NCKAP5: variants seen among roughly 807,000 people sequenced by gnomAD.
The protein encoded by NCKAP5 is nck-associated protein 5.
Under a neutral mutation model 167.0 loss-of-function variants are expected in NCKAP5, and 92 were observed. That is an observed-to-expected ratio of 0.55 (90% CI 0.47 to 0.66). The LOEUF is 0.66. NCKAP5 is among the 30% of genes least tolerant of loss of function. NCKAP5 has a pLI of 0.00. For synonymous variants in NCKAP5, 891 were observed against 877.4 expected, an observed-to-expected ratio of 1.02 and a Z score of -0.27; for missense variants, 2,378 against 2,315.0, an observed-to-expected ratio of 1.03 and a Z score of -0.56.
chr2:133,569,660 T>C (rs1303777566), upstream of NCKAP5, among the ~76,000 whole-genome samples: 1 of 152,138 alleles, frequency 6.6e-6, no homozygotes, highest in Non-Finnish European at 1.5e-5. Context: ...GATTAAGCTC[T>C]CTCCCTGGCC....
the NCKAP5 span, among the ~76,000 whole-genome samples, chr2:133,609,770 A>G: frequency 1.3e-5 from 2 of 152,212 alleles, no homozygotes; most frequent in Admixed American, 6.5e-5. Flanking sequence ...AGGAAGCTGT[A>G]GAGATATAAT....
chr2:133,212,449 C>A (rs1370518887), intron 5 of NCKAP5, among the ~76,000 whole-genome samples: 1 of 152,146 alleles, frequency 6.6e-6, no homozygotes, highest in Non-Finnish European at 1.5e-5. Flanking sequence ...CTCGCTGCAA[C>A]CTCCGCCTCC....
chr2:132,821,341 T>C (rs933025341), intron 11 of NCKAP5, among the ~76,000 whole-genome samples: 4 of 152,134 alleles, frequency 2.6e-5, no homozygotes, highest in African/African-American at 4.8e-5. Flanking sequence ...GTGAGAAATA[T>C]AGAAGTACAA....
intron 4 of NCKAP5, among the ~76,000 whole-genome samples, chr2:133,236,529 C>T (rs1310015913): frequency 1.3e-5 from 2 of 152,038 alleles, no homozygotes; most frequent in Non-Finnish European, 2.9e-5. Context: ...ACAAACACCA[C>T]AACTAAAAAT....
At chr2:133,053,565 G>A (rs1432266717) in intron 6 of NCKAP5, among the ~76,000 whole-genome samples, 2 of 152,134 alleles carry the variant, frequency 1.3e-5, no homozygotes, top group Non-Finnish European at 2.9e-5. Context: ...AAAATTCAAA[G>A]GTTAACTTTC....
intron 3 of NCKAP5, among the ~76,000 whole-genome samples, chr2:133,417,659 A>T (rs1028401682): frequency 6.6e-6 from 1 of 152,164 alleles, no homozygotes; most frequent in Non-Finnish European, 1.5e-5. Flanking sequence ...TGGGCCTCCA[A>T]CAGGATGATT....
intron 19 of NCKAP5, among the ~76,000 whole-genome samples, chr2:132,721,075 T>C (rs1357942704): frequency 6.6e-6 from 1 of 150,820 alleles, no homozygotes; most frequent in African/African-American, 2.4e-5. Flanking sequence ...TTTGGGAGGC[T>C]GAGGTGGGCA....
intron 3 of NCKAP5, among the ~76,000 whole-genome samples, chr2:133,391,637 C>T (rs1180488599): frequency 6.6e-6 from 1 of 152,186 alleles, no homozygotes; most frequent in Non-Finnish European, 1.5e-5. Flanking sequence ...CTTCCCCGCA[C>T]TCATCCTCTA....
intron 5 of NCKAP5, among the ~76,000 whole-genome samples, chr2:133,197,116 G>A (rs562091535): frequency 1.1e-4 from 17 of 152,260 alleles, no homozygotes; most frequent in Admixed American, 1.0e-3. Flanking sequence ...ATCAGGAAAG[G>A]AGGCTCCAAT....
In NCKAP5 at chr2:133,425,832, T is replaced by A. The variant is rs544346321; in HGVS notation, c.69+91626A>T. 2.6e-5 allele frequency among the ~76,000 whole-genome samples: 4 copies of A among 152,282 alleles called. No homozygotes were observed. In the East Asian group the frequency reaches 7.7e-4, roughly 29 times the overall value. On this transcript the variant is annotated intron_variant, in intron 3 of 19. Coordinates refer to ENST00000409261, the MANE Select transcript of NCKAP5 (RefSeq NM_207363.3). ...AATGCACAGTCTTCTTTTATGCTTA[T>A]GGGATAAAAATTCACAGAAAATAAT...
chr2:133,323,296 C>T (rs1682195104), intron 3 of NCKAP5, among the ~76,000 whole-genome samples: 1 of 152,158 alleles, frequency 6.6e-6, no homozygotes, highest in Non-Finnish European at 1.5e-5. Flanking sequence ...CAGTGTCTGA[C>T]ATAGAGATCT....
intron 6 of NCKAP5, among the ~76,000 whole-genome samples, chr2:132,996,232 T>G (rs1475352977): frequency 6.6e-6 from 1 of 152,224 alleles, no homozygotes; most frequent in Non-Finnish European, 1.5e-5. Flanking sequence ...CTTATGAAAT[T>G]TAAATTACTT....
intron 1 of NCKAP5, among the ~76,000 whole-genome samples, chr2:133,567,302 G>T (rs958415363): frequency 6.6e-6 from 1 of 152,164 alleles, no homozygotes; most frequent in Non-Finnish European, 1.5e-5. Flanking sequence ...CAGAACTCCC[G>T]GGTGGCAACA....
At chr2:132,975,730 T>C (rs767836806) in intron 7 of NCKAP5, among the ~76,000 whole-genome samples, 3 of 151,552 alleles carry the variant, frequency 2.0e-5, no homozygotes, top group East Asian at 1.9e-4. Flanking sequence ...AAGAATGCCA[T>C]GTAGATAGGG....
chr2:132,774,899 ACT>A (rs1322135528), intron 15 of NCKAP5, among the ~76,000 whole-genome samples: 7 of 152,216 alleles, frequency 4.6e-5, no homozygotes, highest in Admixed American at 1.3e-4. Flanking sequence ...AAATGGTGGC[ACT>A]GGGATTTAAA....
intron 4 of NCKAP5, among the ~76,000 whole-genome samples, chr2:133,245,993 G>C (rs1258934978): frequency 6.6e-6 from 1 of 151,980 alleles, no homozygotes; most frequent in Non-Finnish European, 1.5e-5. Flanking sequence ...TGCAACAGCT[G>C]TGCTGTGGGG....
At chr2:133,387,753 T>C (rs1687095546) in intron 3 of NCKAP5, among the ~76,000 whole-genome samples, 1 of 152,196 alleles carries the variant, frequency 6.6e-6, no homozygotes, top group Admixed American at 6.5e-5. Flanking sequence ...TTTTTATTCT[T>C]TTTTCTCGAA....
At chr2:132,789,924 G>A (rs1683915725) in intron 13 of NCKAP5, 99 bp downstream of exon 13, 1 of 1,156,150 alleles carries the variant, frequency 8.6e-7, no homozygotes, top group Non-Finnish European at 1.2e-6. Flanking sequence ...GCAAATGGTG[G>A]CTTCCTTCTT....
chr2:133,328,733 T>TG (rs1428686045), intron 3 of NCKAP5, among the ~76,000 whole-genome samples: 2 of 152,188 alleles, frequency 1.3e-5, no homozygotes, highest in Non-Finnish European at 2.9e-5. Flanking sequence ...ATATATATAA[T>TG]GAAAAAAATA....
Sources: allele counts gnomAD v4.1 joint callset (sites outside exome capture counted in the v4.1 genomes callset), GRCh38; gene constraint gnomAD v4.1.1; transcripts MANE v1.5; gene names NCBI Gene and HGNC (gene_info 2026-07-23, HGNC 2026-07-21).